ARHGAP24: variants seen among roughly 807,000 people sequenced by gnomAD.
ARHGAP24 encodes the protein Rho GTPase activating protein 24.
A neutral mutation model predicts 76.4 loss-of-function variants in ARHGAP24; 50 were observed. The observed-to-expected ratio is 0.65, with a 90% CI of 0.52 to 0.83. ARHGAP24 has a LOEUF of 0.83. ARHGAP24 is among the 40% of genes least tolerant of loss of function. ARHGAP24 has a pLI of 0.00. For missense variants in ARHGAP24, 930 were observed against 914.2 expected, an observed-to-expected ratio of 1.02 and a Z score of -0.22; for synonymous variants, 345 against 323.3, an observed-to-expected ratio of 1.07 and a Z score of -0.72.
intron 2 of ARHGAP24, among the ~76,000 whole-genome samples, chr4:85,677,692 G>C (rs754077788): frequency 6.6e-6 from 1 of 152,178 alleles, no homozygotes; most frequent in Admixed American, 6.5e-5. Flanking sequence ...AGTCTGTTTA[G>C]GTCAGAGATA....
chr4:85,636,581 C>T (rs940956947), intron 2 of ARHGAP24, among the ~76,000 whole-genome samples: 10 of 152,076 alleles, frequency 6.6e-5, no homozygotes, highest in African/African-American at 2.2e-4. Flanking sequence ...GACACACACA[C>T]ACTCAGTGCT....
chr4:85,918,574 A>T (rs550103651), intron 3 of ARHGAP24, among the ~76,000 whole-genome samples: 1 of 152,196 alleles, frequency 6.6e-6, no homozygotes, highest in South Asian at 2.1e-4. Context: ...TGATTTCTTT[A>T]ACCTACCTTT....
chr4:85,925,748 G>T (rs911858206), intron 4 of ARHGAP24, among the ~76,000 whole-genome samples: 5 of 152,148 alleles, frequency 3.3e-5, no homozygotes, highest in African/African-American at 1.2e-4. Flanking sequence ...CCGGTGTCCA[G>T]TGGGGACTTT....
intron 3 of ARHGAP24, among the ~76,000 whole-genome samples, chr4:85,813,818 TTATATATATA>T (rs35261368): frequency 1.0e-4 from 14 of 137,144 alleles, no homozygotes; most frequent in African/African-American, 3.3e-4. Flanking sequence ...TATATTTATT[TTATATATATA>T]TATATATATA....
intron 2 of ARHGAP24, among the ~76,000 whole-genome samples, chr4:85,677,815 A>G (rs2110007239): frequency 6.6e-6 from 1 of 152,332 alleles, no homozygotes; most frequent in African/African-American, 2.4e-5. Flanking sequence ...TGTGCTAATT[A>G]ATTTACTAGT....
chr4:85,584,640 C>G (rs987573056), intron 2 of ARHGAP24, among the ~76,000 whole-genome samples: 1 of 151,554 alleles, frequency 6.6e-6, no homozygotes, highest in Non-Finnish European at 1.5e-5. Flanking sequence ...ATTGGCAAAA[C>G]GAGGCATACA....
At chr4:85,960,543 A>G (rs1224124481) in intron 5 of ARHGAP24, among the ~76,000 whole-genome samples, 1 of 152,196 alleles carries the variant, frequency 6.6e-6, no homozygotes, top group Admixed American at 6.5e-5. Context: ...TCTAATGCCT[A>G]GAATAATGTC....
chr4:85,606,868 G>C (rs903919276), intron 2 of ARHGAP24, among the ~76,000 whole-genome samples: 3 of 152,222 alleles, frequency 2.0e-5, no homozygotes, highest in Non-Finnish European at 4.4e-5. Context: ...AGAAAGGCTG[G>C]AGCCAGGGAA....
intron 3 of ARHGAP24, among the ~76,000 whole-genome samples, chr4:85,906,448 C>T (rs1239409243): frequency 1.3e-5 from 2 of 152,074 alleles, no homozygotes; most frequent in South Asian, 4.1e-4. Context: ...TAATAGTGAT[C>T]CCATCTTAAT....
intron 3 of ARHGAP24, among the ~76,000 whole-genome samples, chr4:85,805,385 C>T (rs1025148318): frequency 3.3e-5 from 5 of 152,098 alleles, no homozygotes; most frequent in Admixed American, 6.6e-5. Context: ...ATTACCCAGC[C>T]GCTTTGATAA....
At chr4:85,630,046 T>G (rs1341394932) in intron 2 of ARHGAP24, among the ~76,000 whole-genome samples, 3 of 152,094 alleles carry the variant, frequency 2.0e-5, no homozygotes, top group Non-Finnish European at 4.4e-5. Flanking sequence ...TTTCTCTTCT[T>G]TCTTTCTTTT....
chr4:85,983,345 C>T (rs1739792892), intron 8 of ARHGAP24, among the ~76,000 whole-genome samples: 1 of 152,120 alleles, frequency 6.6e-6, no homozygotes, highest in Non-Finnish European at 1.5e-5. Flanking sequence ...TTTGAGGAAT[C>T]ACCACACTGT....
At chr4:85,894,380 GA>G (rs1734019448) in intron 3 of ARHGAP24, among the ~76,000 whole-genome samples, 1 of 152,004 alleles carries the variant, frequency 6.6e-6, no homozygotes, top group Non-Finnish European at 1.5e-5. Flanking sequence ...ACAGGATGAG[GA>G]AAAAACAGCC....
chr4:85,801,312 A>C (rs928915505), intron 3 of ARHGAP24, among the ~76,000 whole-genome samples: 1 of 152,228 alleles, frequency 6.6e-6, no homozygotes, highest in African/African-American at 2.4e-5. Flanking sequence ...AGGAAATATT[A>C]AATGAAAAAT....
At chr4:85,610,630 C>T (rs184994044) in intron 2 of ARHGAP24, among the ~76,000 whole-genome samples, 1 of 151,988 alleles carries the variant, frequency 6.6e-6, no homozygotes, top group Non-Finnish European at 1.5e-5. Flanking sequence ...TTTCTAGCGT[C>T]GTGGGGAAAA....
At chr4:85,985,126 G>A (rs1375580767) in intron 8 of ARHGAP24, among the ~76,000 whole-genome samples, 1 of 151,976 alleles carries the variant, frequency 6.6e-6, no homozygotes, top group Non-Finnish European at 1.5e-5. Context: ...CCGGCCAGAA[G>A]AGTAACTCTT....
intron 3 of ARHGAP24, among the ~76,000 whole-genome samples, chr4:85,843,203 A>G (rs1411531264): frequency 6.6e-6 from 1 of 152,188 alleles, no homozygotes; most frequent in Non-Finnish European, 1.5e-5. Context: ...GGTTAATACT[A>G]CCATTAAAAT....
Position 86,000,859 on chromosome 4 carries a change from T to G in ARHGAP24, c.*137T>G, listed in dbSNP as rs1446069900. 2.3e-6 allele frequency: 3 copies of G among 1,277,952 alleles called. No homozygotes were observed. The highest frequency in any genetic ancestry group is 2.2e-6 in the Non-Finnish European group (2 of 915,500). The allele number at this position is 1,277,952 out of a possible 1,614,324, so 79.2% of individuals were successfully genotyped here. A position where few individuals can be genotyped will look rare whatever the true frequency, so the allele number is the denominator to read the frequency against. On this transcript the variant is annotated 3_prime_UTR_variant, in exon 10 of 10. Coordinates refer to ENST00000395184, the MANE Select transcript of ARHGAP24 (RefSeq NM_001025616.3). Reference sequence around the variant, plus strand: ...GTGAAGGAATATCATTTACAGACATTAAACATCCATATCTGCAATGTGTAC... The same window carrying G: ...GTGAAGGAATATCATTTACAGACATGAAACATCCATATCTGCAATGTGTAC...
intron 2 of ARHGAP24, among the ~76,000 whole-genome samples, chr4:85,666,304 G>C (rs535819024): frequency 2.6e-5 from 4 of 152,014 alleles, no homozygotes; most frequent in Non-Finnish European, 2.9e-5. Context: ...CCAGTTGATC[G>C]CATCGGCTCC....
Sources: gnomAD v4.1 joint callset for allele counts (sites outside exome capture counted in the v4.1 genomes callset) on GRCh38, gnomAD v4.1.1 for gene constraint, MANE v1.5 for transcripts, NCBI Gene and HGNC (gene_info 2026-07-23, HGNC 2026-07-21) for gene names.